Variants in USH2A observed in about 807,000 individuals in gnomAD.
The protein encoded by USH2A is usherin, also known as Usher syndrome 2A (autosomal recessive, mild).
Under a neutral mutation model 538.9 loss-of-function variants are expected in USH2A, and 443 were observed. That is an observed-to-expected ratio of 0.82 (90% confidence interval 0.76 to 0.89). The LOEUF (loss-of-function observed/expected upper bound fraction) is 0.89, where lower values mean the gene tolerates loss of function less well. Among genes scored for constraint, USH2A ranks in the 40% least tolerant of loss-of-function variants. The probability of loss-of-function intolerance (pLI) is 0.00; values close to 1 mark genes in which losing one functional copy is unlikely to be tolerated. For missense variants in USH2A, 6,633 were observed against 6,324.8 expected, an observed-to-expected ratio of 1.05 and a Z score of -1.65; for synonymous variants, 2,413 against 2,273.5, an observed-to-expected ratio of 1.06 and a Z score of -1.75.
At chr1:215,894,063 C>G (rs1665267092) in intron 40 of USH2A, among the ~76,000 whole-genome samples, 1 of 151,950 alleles carries the variant, frequency 6.6e-6, no homozygotes, top group Non-Finnish European at 1.5e-5. Flanking sequence ...GTCTTCTGTT[C>G]TATGCAAAAT....
intron 69 of USH2A, among the ~76,000 whole-genome samples, 168 bp downstream of exon 69, chr1:215,638,984 AAAC>A (rs1160998230): frequency 1.7e-4 from 26 of 151,656 alleles, no homozygotes; most frequent in South Asian, 8.3e-4. Flanking sequence ...TCTCAAAAAA[AAAC>A]AACAACAAAA....
intron 61 of USH2A, among the ~76,000 whole-genome samples, chr1:215,709,797 A>G (rs969169898): frequency 3.9e-5 from 6 of 152,224 alleles, no homozygotes; most frequent in South Asian, 2.1e-4. Context: ...TAAAATGTGT[A>G]TGTCACAAAA....
intron 67 of USH2A, among the ~76,000 whole-genome samples, chr1:215,646,492 A>G (rs144688798): frequency 6.6e-6 from 1 of 152,258 alleles, no homozygotes; most frequent in Non-Finnish European, 1.5e-5. Context: ...GTGGTTCCAT[A>G]AGATTATAAT....
At chr1:216,200,598 T>C (rs1034255263) in intron 16 of USH2A, among the ~76,000 whole-genome samples, 5 of 152,216 alleles carry the variant, frequency 3.3e-5, no homozygotes, top group Admixed American at 3.3e-4. Flanking sequence ...AAATGTTTAT[T>C]GTTTTAAGCT....
Position 216,011,556 on chromosome 1 carries a change from T to C in USH2A, c.6326-10994A>G, listed in dbSNP as rs190615864. Reference sequence around the variant, plus strand: ...GGCATGGTTAGTGCGGTCAGAATTCTTACACAAGAGCCAGGACCACACCCT... The same window carrying C: ...GGCATGGTTAGTGCGGTCAGAATTCCTACACAAGAGCCAGGACCACACCCT... On this transcript the variant is annotated intron_variant, in intron 32 of 71. Coordinates refer to ENST00000307340, the MANE Select transcript of USH2A (RefSeq NM_206933.4). Among the ~76,000 whole-genome samples, 1,450 of 152,214 alleles carry C rather than the reference T, an allele frequency of 9.5e-3. 28 individuals carry two copies. The highest frequency in any genetic ancestry group is 0.033 in the African/African-American group (1,368 of 41,520).
At chr1:216,139,334 A>G (rs1387958995) in intron 21 of USH2A, among the ~76,000 whole-genome samples, 3 of 151,850 alleles carry the variant, frequency 2.0e-5, no homozygotes, top group Non-Finnish European at 1.5e-5. Flanking sequence ...CCCTAGGCAC[A>G]GGCTGTTAAA....
Position 216,086,782 on chromosome 1 carries a change from C to T in USH2A, c.4924G>A (p.Asp1642Asn). 1 of 1,613,000 alleles carries T rather than the reference C, an allele frequency of 6.2e-7. No individual in the cohort carries two copies. Among genetic ancestry groups the T allele is most frequent in the East Asian group, 2.2e-5 (1 of 44,854 alleles). Reference sequence around the variant, plus strand: ...CCTCCCAGAAAGACTCCTGTGTTATCTCCAATAACAGTACTACCATTCAGG... The same window carrying T: ...CCTCCCAGAAAGACTCCTGTGTTATTTCCAATAACAGTACTACCATTCAGG... ...AILNGSTVIG[D>N]NTGVFLGGLP... Residue 1642 changes from aspartate to asparagine, a missense_variant, in exon 24 of 72, where the codon GAT (aspartate) becomes AAT (asparagine). Asp to Asn is a conservative substitution (Grantham distance 23). Transcript: ENST00000307340.
intron 14 of USH2A, among the ~76,000 whole-genome samples, chr1:216,223,035 G>A (rs1274866443): frequency 6.7e-6 from 1 of 149,612 alleles, no homozygotes; most frequent in Non-Finnish European, 1.5e-5. Context: ...GGAAAATCAA[G>A]GAAATGTTTT....
intron 58 of USH2A, among the ~76,000 whole-genome samples, chr1:215,744,476 C>A (rs146374803): frequency 6.6e-5 from 10 of 152,282 alleles, no homozygotes; most frequent in African/African-American, 2.2e-4. Flanking sequence ...ATTACATTGT[C>A]TCCTTGATCT....
intron 9 of USH2A, among the ~76,000 whole-genome samples, chr1:216,319,925 A>T (rs934225395): frequency 1.3e-5 from 2 of 152,202 alleles, no homozygotes; most frequent in African/African-American, 4.8e-5. Context: ...TAACTAAAAC[A>T]CAAGTGTAGG....
At chr1:215,966,209 C>T (rs1558185874) in intron 36 of USH2A, among the ~76,000 whole-genome samples, 1 of 151,940 alleles carries the variant, frequency 6.6e-6, no homozygotes, top group Non-Finnish European at 1.5e-5. Context: ...CCTAGCTGTA[C>T]CGGGGTCAGG....
chr1:216,332,492 G>A lies in USH2A; in HGVS notation c.785-4838C>T, dbSNP rs910151383. The stretch of plus-strand genomic sequence containing the variant: ...TGAACATGCAAAAGGCTAAGTATGT[G>A]CTCAGGTATATGCGCATGCTAAAGA... On this transcript the variant is annotated intron_variant, in intron 4 of 71. Coordinates refer to ENST00000307340, the MANE Select transcript of USH2A (RefSeq NM_206933.4). 2.6e-5 allele frequency among the ~76,000 whole-genome samples: 4 copies of A among 152,210 alleles called. No individual in the cohort carries two copies. The East Asian group carries it at 7.8e-4, about 29-fold the overall frequency.
At chr1:215,697,099 T>C (rs771925045) in intron 61 of USH2A, among the ~76,000 whole-genome samples, 1 of 150,564 alleles carries the variant, frequency 6.6e-6, no homozygotes, top group Non-Finnish European at 1.5e-5. Flanking sequence ...ACTACAGGCA[T>C]GTGCCACCAG....
chr1:216,345,263 T>C (rs1211750497), intron 4 of USH2A, among the ~76,000 whole-genome samples: 2 of 152,092 alleles, frequency 1.3e-5, no homozygotes, highest in African/African-American at 2.4e-5. Context: ...GTTGGATTAA[T>C]GATGACAGGG....
intron 13 of USH2A, among the ~76,000 whole-genome samples, chr1:216,238,102 A>G (rs953862687): frequency 1.3e-5 from 2 of 152,186 alleles, no homozygotes; most frequent in African/African-American, 2.4e-5. Flanking sequence ...CTTAATAAAT[A>G]TGATGTGCTA....
At chr1:216,352,531 G>A (rs1422661606) in intron 4 of USH2A, among the ~76,000 whole-genome samples, 1 of 152,106 alleles carries the variant, frequency 6.6e-6, no homozygotes, top group Non-Finnish European at 1.5e-5. Context: ...TTGAAAAGAG[G>A]AATTAAAGGC....
intron 14 of USH2A, among the ~76,000 whole-genome samples, chr1:216,228,363 A>G (rs953283296): frequency 6.6e-6 from 1 of 152,110 alleles, no homozygotes; most frequent in African/African-American, 2.4e-5. Flanking sequence ...GAAAACCTGG[A>G]ACTGGAAAGA....
chr1:216,207,137 G>T (rs756846935), intron 16 of USH2A, 136 bp downstream of exon 16: 5 of 1,010,974 alleles, frequency 4.9e-6, no homozygotes, highest in South Asian at 1.5e-5. Flanking sequence ...AGTGAAATTT[G>T]TAATTTTATC....
intron 58 of USH2A, among the ~76,000 whole-genome samples, chr1:215,747,857 G>GT (rs1051260304): frequency 6.7e-6 from 1 of 150,186 alleles, no homozygotes; most frequent in African/African-American, 2.5e-5. Flanking sequence ...GAAGCCACAG[G>GT]TTTTTTGTTT....
Sources: gnomAD v4.1 joint callset for allele counts (sites outside exome capture counted in the v4.1 genomes callset) on GRCh38, gnomAD v4.1.1 for gene constraint, MANE v1.5 for transcripts, NCBI Gene and HGNC (gene_info 2026-07-23, HGNC 2026-07-21) for gene names.